STK3: variants seen among roughly 807,000 people sequenced by gnomAD.
STK3 encodes serine/threonine kinase 3.
In STK3, 41 loss-of-function variants were observed where a neutral mutation model predicts 58.0. The observed-to-expected ratio is 0.71, with a 90% CI of 0.55 to 0.92. The LOEUF (loss-of-function observed/expected upper bound fraction) is 0.92. Ranked by LOEUF, STK3 falls within the 40% of genes least tolerant of loss-of-function variation. The probability of loss-of-function intolerance (pLI) is 0.00; values close to 1 mark genes in which losing one functional copy is unlikely to be tolerated. For synonymous variants in STK3, 170 were observed against 191.0 expected, an observed-to-expected ratio of 0.89 and a Z score of 0.91; for missense variants, 479 against 602.7, an observed-to-expected ratio of 0.79 and a Z score of 2.15.
chr8:98,654,028 CAA>C (rs970402320), intron 6 of STK3, among the ~76,000 whole-genome samples: 1 of 151,852 alleles, frequency 6.6e-6, no homozygotes, highest in Non-Finnish European at 1.5e-5. Context: ...GAGACACAAC[CAA>C]AAAAGAGAAT....
chr8:98,667,670 T>C (rs776460606), intron 6 of STK3, among the ~76,000 whole-genome samples: 15 of 152,150 alleles, frequency 9.9e-5, no homozygotes, highest in African/African-American at 1.7e-4. Flanking sequence ...TAGTCTTTTC[T>C]GAAAGATTTT....
At chr8:98,679,236 C>T (rs1474549808) in intron 6 of STK3, among the ~76,000 whole-genome samples, 1 of 152,204 alleles carries the variant, frequency 6.6e-6, no homozygotes, top group East Asian at 1.9e-4. Flanking sequence ...GAATAAAAGT[C>T]TAAGCACTGA....
At chr8:98,434,350 G>A (rs1818410538) in intron 2 of STK3, 1 of 152,134 alleles carries the variant, frequency 6.6e-6, no homozygotes, top group African/African-American at 2.4e-5. Context: ...ATATTCAGGG[G>A]GTATTTTAGG....
At chr8:98,783,888 G>C (rs1004589636) in intron 1 of STK3, among the ~76,000 whole-genome samples, 4 of 152,178 alleles carry the variant, frequency 2.6e-5, no homozygotes, top group Non-Finnish European at 4.4e-5. Flanking sequence ...AAGGAAAACA[G>C]GAATCCACTG....
At chr8:98,857,770 T>C (rs912754227) in intron 3 of STK3, among the ~76,000 whole-genome samples, 1 of 152,074 alleles carries the variant, frequency 6.6e-6, no homozygotes, top group African/African-American at 2.4e-5. Context: ...TATAAGCAAT[T>C]AAACTAAATA....
chr8:98,934,071 T>A (rs1421157024), intron 1 of STK3, among the ~76,000 whole-genome samples: 1 of 152,216 alleles, frequency 6.6e-6, no homozygotes, highest in Non-Finnish European at 1.5e-5. Flanking sequence ...TGCACATTTT[T>A]TTCTGCAGCC....
At chr8:98,912,054 T>C (rs981957981) in intron 1 of STK3, among the ~76,000 whole-genome samples, 4 of 152,160 alleles carry the variant, frequency 2.6e-5, no homozygotes, top group African/African-American at 4.8e-5. Flanking sequence ...AACTGAGAGA[T>C]AGACACAAGA....
intron 1 of STK3, among the ~76,000 whole-genome samples, chr8:98,443,477 G>C (rs1210692478): frequency 6.6e-6 from 1 of 152,168 alleles, no homozygotes; most frequent in African/African-American, 2.4e-5. Context: ...ACATAGTGAT[G>C]AGCAAGATAG....
In STK3 at chr8:98,570,097, A is replaced by G. The variant is rs530843191; in HGVS notation, c.948+9567T>C. Reference sequence around the variant, plus strand: ...TTGTAAAAATATAAATATATAATAAATATATAAATATATATATGTTTTTTC... The same window carrying G: ...TTGTAAAAATATAAATATATAATAAGTATATAAATATATATATGTTTTTTC... On this transcript the variant is annotated intron_variant, in intron 8 of 10. Coordinates refer to ENST00000419617, the MANE Select transcript of STK3 (RefSeq NM_006281.4). Among the ~76,000 whole-genome samples, 108 of 147,982 alleles carry G rather than the reference A, an allele frequency of 7.3e-4. 1 individual carries two copies. Among genetic ancestry groups the G allele is most frequent in the African/African-American group, 2.6e-3 (107 of 40,890 alleles).
chr8:98,404,679 C>CAAAAAAAAAA (rs35146514), intron 3 of STK3, among the ~76,000 whole-genome samples: 2 of 95,310 alleles, frequency 2.1e-5, no homozygotes, highest in Non-Finnish European at 3.9e-5. Context: ...GTCTCTGTCT[C>CAAAAAAAAAA]AAAAAAAAAA....
the STK3 span, among the ~76,000 whole-genome samples, chr8:98,344,668 C>T: frequency 1.3e-5 from 2 of 151,760 alleles, no homozygotes; most frequent in African/African-American, 2.4e-5. Flanking sequence ...CCGAGGCGGG[C>T]GGATCACGAG....
intron 6 of STK3, among the ~76,000 whole-genome samples, chr8:98,637,168 C>A (rs1271180022): frequency 1.3e-5 from 2 of 150,358 alleles, no homozygotes; most frequent in Non-Finnish European, 3.0e-5. Flanking sequence ...ACTGATCTTA[C>A]AAAGAGACAT....
intron 4 of STK3, among the ~76,000 whole-genome samples, chr8:98,717,586 C>T (rs1054079570): frequency 6.6e-6 from 1 of 152,150 alleles, no homozygotes; most frequent in African/African-American, 2.4e-5. Flanking sequence ...TAAAATGGTA[C>T]AGCCTCTGTG....
chr8:98,689,581 C>T (rs1824247993), intron 6 of STK3, among the ~76,000 whole-genome samples: 1 of 152,054 alleles, frequency 6.6e-6, no homozygotes, highest in African/African-American at 2.4e-5. Flanking sequence ...AGGAGTTTGA[C>T]ACCAGCCTGG....
At chr8:98,398,010 G>C (rs1817910207), downstream of STK3, among the ~76,000 whole-genome samples, 1 of 152,160 alleles carries the variant, frequency 6.6e-6, no homozygotes, top group South Asian at 2.1e-4. Context: ...CTTTATAGCT[G>C]TGTGAGAATG....
chr8:98,848,244 T>G (rs1016773689), intron 3 of STK3, among the ~76,000 whole-genome samples: 31 of 151,116 alleles, frequency 2.1e-4, no homozygotes, highest in African/African-American at 7.3e-4. Flanking sequence ...CTAATCTACT[T>G]TTTTTTTCTT....
At chr8:98,372,526 A>G (rs1817621348) in intron 2 of STK3, among the ~76,000 whole-genome samples, 1 of 119,546 alleles carries the variant, frequency 8.4e-6, no homozygotes, top group African/African-American at 3.3e-5. Context: ...CTACCTGAAC[A>G]CCCAGTGGTT....
At chr8:98,368,171 G>C (rs1242952459), downstream of STK3, among the ~76,000 whole-genome samples, 1 of 152,168 alleles carries the variant, frequency 6.6e-6, no homozygotes, top group Non-Finnish European at 1.5e-5. Context: ...TTTTAAAAGA[G>C]GTGAAAACTA....
chr8:98,550,931 C>G (rs1586839749), intron 8 of STK3, among the ~76,000 whole-genome samples: 1 of 152,182 alleles, frequency 6.6e-6, no homozygotes, highest in Non-Finnish European at 1.5e-5. Context: ...TCTACAATGG[C>G]TCCCAGTTCC....
Sources: gnomAD v4.1 joint callset for allele counts (sites outside exome capture counted in the v4.1 genomes callset) on GRCh38, gnomAD v4.1.1 for gene constraint, MANE v1.5 for transcripts, NCBI Gene and HGNC (gene_info 2026-07-23, HGNC 2026-07-21) for gene names.